Variants in ADAMTS12 observed in about 807,000 individuals in gnomAD.
ADAMTS12 encodes ADAM metallopeptidase with thrombospondin type 1 motif 12.
ADAMTS12 carries 118 observed loss-of-function variants against 167.8 expected under a neutral mutation model. The ratio of observed to expected loss-of-function variants is 0.70; its 90% confidence interval spans 0.61 to 0.82. ADAMTS12 has a LOEUF of 0.82. Ranked by LOEUF, ADAMTS12 falls within the 40% of genes least tolerant of loss-of-function variation. ADAMTS12 has a pLI of 0.00. For missense variants in ADAMTS12, 1,916 were observed against 1,998.8 expected (o/e 0.96, Z 0.79); for synonymous variants, 704 against 716.9 (o/e 0.98, Z 0.29).
chr5:33,834,390 A>T (rs1420559280), intron 2 of ADAMTS12, among the ~76,000 whole-genome samples: 1 of 152,186 alleles, frequency 6.6e-6, no homozygotes, highest in Non-Finnish European at 1.5e-5. Flanking sequence ...CTACAATAAG[A>T]TGTATTATTT....
Position 33,712,838 on chromosome 5 carries a change from C to A in ADAMTS12, c.635-28783G>T, listed in dbSNP as rs1227675214. Among the ~76,000 whole-genome samples, 8 of 152,000 alleles carry A rather than the reference C, an allele frequency of 5.3e-5. No individual in the cohort carries two copies. In the East Asian group the frequency reaches 1.5e-3, roughly 29 times the overall value. On this transcript the variant is annotated intron_variant, in intron 3 of 23. Coordinates refer to ENST00000504830, the MANE Select transcript of ADAMTS12 (RefSeq NM_030955.4). ...TCCTGAACACTGGGACTTTGGTTTC[C>A]TTGATTCAATATCTGGCTTTGGGGC...
At chr5:33,672,693 A>G (rs1741754019) in intron 5 of ADAMTS12, among the ~76,000 whole-genome samples, 1 of 152,218 alleles carries the variant, frequency 6.6e-6, no homozygotes, top group Non-Finnish European at 1.5e-5. Context: ...ACAAAGGTCC[A>G]GTCTCCCACA....
At chr5:33,849,742 T>C (rs183441018) in intron 2 of ADAMTS12, among the ~76,000 whole-genome samples, 41 of 148,996 alleles carry the variant, frequency 2.8e-4, no homozygotes, top group African/African-American at 8.7e-4. Context: ...ATGTATTGCA[T>C]AGCAATATAT....
chr5:33,560,939 G>C (rs968126320), intron 20 of ADAMTS12, 88 bp downstream of exon 20: 6 of 1,357,936 alleles, frequency 4.4e-6, no homozygotes, highest in Non-Finnish European at 5.0e-6. Context: ...AAAAAAAAAC[G>C]ACTTTAGCAA....
intron 16 of ADAMTS12, among the ~76,000 whole-genome samples, chr5:33,609,337 A>T (rs1738603489): frequency 6.6e-6 from 1 of 151,870 alleles, no homozygotes; most frequent in South Asian, 2.1e-4. Context: ...TAAAGGGAAA[A>T]CACACAAAAT....
At chr5:33,750,623 G>A (rs1361490964) in intron 3 of ADAMTS12, among the ~76,000 whole-genome samples, 1 of 152,174 alleles carries the variant, frequency 6.6e-6, no homozygotes, top group African/African-American at 2.4e-5. Context: ...CTGAAGAAAG[G>A]AGACATTATG....
At chr5:33,746,872 A>G (rs1744808732) in intron 3 of ADAMTS12, among the ~76,000 whole-genome samples, 1 of 152,228 alleles carries the variant, frequency 6.6e-6, no homozygotes, top group African/African-American at 2.4e-5. Flanking sequence ...TTTCCAGAAG[A>G]AGAAATGTTG....
chr5:33,558,505 T>G (rs1486217320), intron 20 of ADAMTS12, among the ~76,000 whole-genome samples: 1 of 151,850 alleles, frequency 6.6e-6, no homozygotes, highest in Non-Finnish European at 1.5e-5. Flanking sequence ...CTAAAGGCCA[T>G]GAAAGAGAGA....
intron 11 of ADAMTS12, among the ~76,000 whole-genome samples, chr5:33,639,494 G>T (rs1383179657): frequency 1.3e-5 from 2 of 152,200 alleles, no homozygotes; most frequent in African/African-American, 4.8e-5. Flanking sequence ...GCTTGTCCTG[G>T]AGAATGGTCT....
At chr5:33,558,576 G>A (rs1488287309) in intron 20 of ADAMTS12, among the ~76,000 whole-genome samples, 1 of 152,190 alleles carries the variant, frequency 6.6e-6, no homozygotes, top group Non-Finnish European at 1.5e-5. Context: ...CTTTCCTTAG[G>A]AGGCCGGACC....
intron 23 of ADAMTS12, among the ~76,000 whole-genome samples, chr5:33,533,774 C>T (rs1411289084): frequency 4.6e-5 from 7 of 152,086 alleles, no homozygotes; most frequent in Admixed American, 4.6e-4. Context: ...TCACAGGACA[C>T]CCTTAACTAG....
Position 33,583,453 on chromosome 5 carries a change from T to C in ADAMTS12, c.2865+5146A>G, listed in dbSNP as rs1290715885. On this transcript the variant is annotated intron_variant, in intron 18 of 23. Coordinates refer to ENST00000504830, the MANE Select transcript of ADAMTS12 (RefSeq NM_030955.4). ...ATTGCAAACAGCGCTGCAACAAACA[T>C]AGGAGTGCAGATATCCCTTTGATAG... Among the ~76,000 whole-genome samples, 4 of 152,216 alleles carry C rather than the reference T, an allele frequency of 2.6e-5. No homozygotes were observed. In the East Asian group the frequency reaches 5.8e-4, roughly 22 times the overall value.
chr5:33,637,995 T>C (rs772094734), intron 11 of ADAMTS12, among the ~76,000 whole-genome samples: 2 of 152,190 alleles, frequency 1.3e-5, no homozygotes, highest in Non-Finnish European at 2.9e-5. Context: ...AGGTGAAATC[T>C]ACGCCAAAAA....
chr5:33,752,157 A>C (rs1462987046), intron 2 of ADAMTS12, among the ~76,000 whole-genome samples: 1 of 152,228 alleles, frequency 6.6e-6, no homozygotes, highest in East Asian at 1.9e-4. Flanking sequence ...ACAGATATGA[A>C]AATCAGTGAT....
At chr5:33,611,129 A>T (rs1266789666) in intron 16 of ADAMTS12, among the ~76,000 whole-genome samples, 1 of 152,234 alleles carries the variant, frequency 6.6e-6, no homozygotes, top group Non-Finnish European at 1.5e-5. Flanking sequence ...AAGACAAAGC[A>T]TGGTATAGTG....
chr5:33,525,979 G>C lies in ADAMTS12; in HGVS notation c.*1209C>G, dbSNP rs1369814880. The C allele has an allele frequency of 6.6e-6, 1 of 152,096 alleles. No homozygotes were observed. Among genetic ancestry groups the C allele is most frequent in the African/African-American group, 2.4e-5 (1 of 41,430 alleles). The allele number at this position is 152,096 out of a possible 1,614,324, so 9.4% of individuals were successfully genotyped here. A position where few individuals can be genotyped will look rare whatever the true frequency, so the allele number is the denominator to read the frequency against. ...AACAAGCATTCTAACTTTCATTTCA[G>C]TTTCTTTGGACTCCCTGATTCACCT... is the stretch of plus-strand genomic sequence containing the variant. On this transcript the variant is annotated 3_prime_UTR_variant, in exon 24 of 24. Coordinates refer to ENST00000504830, the MANE Select transcript of ADAMTS12 (RefSeq NM_030955.4).
At chr5:33,808,159 A>G (rs16891761) in intron 2 of ADAMTS12, among the ~76,000 whole-genome samples, 1,629 of 152,310 alleles carry the variant, frequency 0.011, 28 homozygotes, top group African/African-American at 0.038. Flanking sequence ...CGGTGTAGTC[A>G]GAAGGAATTA....
chr5:33,533,137 T>C (rs1478296021), intron 23 of ADAMTS12, among the ~76,000 whole-genome samples: 1 of 152,230 alleles, frequency 6.6e-6, no homozygotes, highest in Non-Finnish European at 1.5e-5. Flanking sequence ...CTACCATCTA[T>C]GCATTTAACC....
chr5:33,830,705 C>A (rs925757381), intron 2 of ADAMTS12, among the ~76,000 whole-genome samples: 3 of 152,014 alleles, frequency 2.0e-5, no homozygotes, highest in Non-Finnish European at 4.4e-5. Flanking sequence ...GATGGGAGTG[C>A]TGTTTGAGCC....
Sources: allele counts gnomAD v4.1 joint callset (sites outside exome capture counted in the v4.1 genomes callset), GRCh38; gene constraint gnomAD v4.1.1; transcripts MANE v1.5; gene names NCBI Gene and HGNC (gene_info 2026-07-23, HGNC 2026-07-21).